The following FAM120C variants were observed in gnomAD, a reference collection of about 807,000 sequenced individuals.
FAM120C encodes the protein family with sequence similarity 120 member C.
In FAM120C, 14 loss-of-function variants were observed where a neutral mutation model predicts 71.2. The observed-to-expected ratio is 0.20, with a 90% CI of 0.13 to 0.31. The LOEUF is 0.31. Ranked by LOEUF, FAM120C falls within the 10% of genes least tolerant of loss-of-function variation. The pLI is 1.00. For missense variants in FAM120C, 500 were observed against 879.0 expected (o/e 0.57, Z 5.45); for synonymous variants, 354 against 353.2 (o/e 1.00, Z -0.03).
At chrX:54,129,417 T>G in intron 9 of FAM120C, among the ~76,000 whole-genome samples, 1 of 98,318 alleles carries the variant, frequency 1.0e-5, no homozygotes, top group Non-Finnish European at 2.0e-5. Flanking sequence ...ACATCTCAGA[T>G]GATGGGCGGC....
intron 1 of FAM120C, 104 bp downstream of exon 1, chrX:54,182,396 G>A: frequency 2.1e-6 from 2 of 974,307 alleles, no homozygotes; most frequent in Non-Finnish European, 2.7e-6. Context: ...AGGTGGGTGG[G>A]TAGATGGGAG....
At chrX:54,164,267 A>G (rs1263312344) in intron 1 of FAM120C, among the ~76,000 whole-genome samples, 3 of 111,930 alleles carry the variant, frequency 2.7e-5, no homozygotes, top group Non-Finnish European at 3.8e-5. Context: ...GTTGTGATTG[A>G]AAACCACATA....
chrX:54,112,840 CAAAAA>C (rs201361878), intron 10 of FAM120C, among the ~76,000 whole-genome samples: 2 of 73,450 alleles, frequency 2.7e-5, no homozygotes, highest in Admixed American at 1.6e-4. Context: ...GACTCTGTCT[CAAAAA>C]AAAAAAAAAA....
chrX:54,125,473 T>A (rs950361073), intron 9 of FAM120C, among the ~76,000 whole-genome samples: 1 of 110,977 alleles, frequency 9.0e-6, no homozygotes, highest in Non-Finnish European at 1.9e-5. Context: ...CTATATATAT[T>A]TTTTGTATTT....
At chrX:54,140,069 G>A (rs781885388) in intron 4 of FAM120C, among the ~76,000 whole-genome samples, 2 of 110,147 alleles carry the variant, frequency 1.8e-5, no homozygotes, top group East Asian at 5.7e-4. Context: ...CGAGGCGGGC[G>A]GATCACTTGA....
At chrX:54,150,678 T>C (rs1417152821) in intron 4 of FAM120C, among the ~76,000 whole-genome samples, 1 of 111,083 alleles carries the variant, frequency 9.0e-6, no homozygotes, top group Non-Finnish European at 1.9e-5. Flanking sequence ...AGCAAGTTGT[T>C]TATGGGTAAT....
chrX:54,117,864 A>G (rs1438847929), intron 9 of FAM120C, among the ~76,000 whole-genome samples: 2 of 111,603 alleles, frequency 1.8e-5, no homozygotes, highest in Non-Finnish European at 1.9e-5. Context: ...TATAATACAC[A>G]ATGAGATACA....
chrX:54,180,316 A>G (rs1371739051), intron 1 of FAM120C, among the ~76,000 whole-genome samples: 1 of 112,272 alleles, frequency 8.9e-6, no homozygotes, highest in Non-Finnish European at 1.9e-5. Context: ...CCATCGGTGA[A>G]GCCTTCCCCA....
At chrX:54,133,291 G>C (rs1177249974) in intron 8 of FAM120C, among the ~76,000 whole-genome samples, 4 of 111,794 alleles carry the variant, frequency 3.6e-5, no homozygotes, top group Admixed American at 9.5e-5. Context: ...CAGCACTCCA[G>C]CTTGGGCAAC....
rs2066698370 is a variant in FAM120C at position 54,068,831 on chromosome X, GAA to G, written c.*4200_*4201del. On this transcript the variant is annotated 3_prime_UTR_variant, in exon 16 of 16. Coordinates refer to ENST00000375180, the MANE Select transcript of FAM120C (RefSeq NM_017848.6). Reference sequence around the variant, plus strand: ...GAATAGAATAGAATAGAATAGAATAGAATAGAATAGAATAGAAGGTAGGAGGG... The same window carrying G: ...GAATAGAATAGAATAGAATAGAATAGTAGAATAGAATAGAAGGTAGGAGGG... The G allele has an allele frequency of 1.8e-5, 2 of 109,939 alleles. No homozygotes were observed. Among genetic ancestry groups the G allele is most frequent in the Non-Finnish European group, 3.8e-5 (2 of 52,717 alleles). 9.1% of individuals were successfully genotyped at this position (109,939 alleles called of 1,213,427 possible). A position where few individuals can be genotyped will look rare whatever the true frequency, so the allele number is the denominator to read the frequency against.
chrX:54,140,617 T>A (rs2067120594), intron 4 of FAM120C, among the ~76,000 whole-genome samples: 1 of 92,815 alleles, frequency 1.1e-5, no homozygotes. Context: ...TAAAACTCCG[T>A]CTCAAAGAAA....
At chrX:54,098,917 C>G (rs782046322) in intron 10 of FAM120C, among the ~76,000 whole-genome samples, 134 of 111,278 alleles carry the variant, frequency 1.2e-3, no homozygotes, top group African/African-American at 4.2e-3. Flanking sequence ...CAGTGCCCGG[C>G]TGACATTTGC....
intron 1 of FAM120C, among the ~76,000 whole-genome samples, chrX:54,179,991 C>G (rs1340543828): frequency 8.9e-6 from 1 of 112,132 alleles, no homozygotes; most frequent in East Asian, 2.8e-4. Flanking sequence ...GACTGAGATT[C>G]TACTATTTTT....
chrX:54,107,989 G>C (rs1231884583), intron 10 of FAM120C, among the ~76,000 whole-genome samples: 1 of 101,583 alleles, frequency 9.8e-6, no homozygotes, highest in Non-Finnish European at 2.0e-5. Context: ...TGAGGAAAGA[G>C]ATGCTCAGAA....
rs1334411259 is a variant in FAM120C at position 54,072,695 on chromosome X, A to G, written c.*338T>C. The G allele has an allele frequency of 5.1e-5, 8 of 157,596 alleles. No homozygotes were observed. The highest frequency in any genetic ancestry group is 9.6e-5 in the Non-Finnish European group (8 of 83,227). The allele number at this position is 157,596 out of a possible 1,213,427, so 13.0% of individuals were successfully genotyped here. A position where few individuals can be genotyped will look rare whatever the true frequency, so the allele number is the denominator to read the frequency against. ...GAAAAACCAAAGCTAGAGCTTTTCT[A>G]TAGGACCTTATGTGATGATACCCAA... is the stretch of plus-strand genomic sequence containing the variant. On this transcript the variant is annotated 3_prime_UTR_variant, in exon 16 of 16. Transcript: ENST00000375180.
chrX:54,078,811 G>A (rs781927155), intron 15 of FAM120C, among the ~76,000 whole-genome samples: 2 of 110,254 alleles, frequency 1.8e-5, no homozygotes, highest in Non-Finnish European at 3.8e-5. Flanking sequence ...TTTGGGTGGG[G>A]TGGGGCATAC....
At chrX:54,164,080 T>C (rs1557134782) in intron 1 of FAM120C, among the ~76,000 whole-genome samples, 1 of 110,262 alleles carries the variant, frequency 9.1e-6, no homozygotes, top group East Asian at 2.8e-4. Context: ...TATAGGCACA[T>C]GCCACCAGGT....
In FAM120C at chrX:54,173,662, T is replaced by C. The variant is rs187734675; in HGVS notation, c.699+8838A>G. Reference sequence around the variant, plus strand: ...AAAATTCATCAATTCCACAAAGAAATAGGCTCTCTCCTGTTCAAATACGTG... The same window carrying C: ...AAAATTCATCAATTCCACAAAGAAACAGGCTCTCTCCTGTTCAAATACGTG... On this transcript the variant is annotated intron_variant, in intron 1 of 15. Transcript: ENST00000375180. The C allele has an allele frequency of 3.5e-5, 4 of 115,580 alleles. No homozygotes were observed. In the East Asian group the frequency reaches 8.1e-4, roughly 23 times the overall value. The allele number at this position is 115,580 out of a possible 1,213,427, so 9.5% of individuals were successfully genotyped here. A position where few individuals can be genotyped will look rare whatever the true frequency, so the allele number is the denominator to read the frequency against.
intron 1 of FAM120C, among the ~76,000 whole-genome samples, chrX:54,181,572 T>C (rs781840797): frequency 9.0e-6 from 1 of 111,305 alleles, no homozygotes; most frequent in Admixed American, 9.5e-5. Flanking sequence ...CTTGCACACT[T>C]AATATTCCTT....
Sources: gnomAD v4.1 joint callset for allele counts (sites outside exome capture counted in the v4.1 genomes callset) on GRCh38, gnomAD v4.1.1 for gene constraint, MANE v1.5 for transcripts, NCBI Gene and HGNC (gene_info 2026-07-23, HGNC 2026-07-21) for gene names.